Variants in KCNJ5 observed in about 807,000 individuals in gnomAD.
KCNJ5 encodes the protein potassium inwardly rectifying channel subfamily J member 5.
In KCNJ5, 12 loss-of-function variants were observed where a neutral mutation model predicts 20.2. The observed-to-expected ratio is 0.59, with a 90% CI of 0.38 to 0.96. The LOEUF (loss-of-function observed/expected upper bound fraction) is 0.96, where lower values mean the gene tolerates loss of function less well. Among genes scored for constraint, KCNJ5 ranks in the 40% least tolerant of loss-of-function variants. The pLI, the probability that KCNJ5 is intolerant of heterozygous loss-of-function variation, is 0.00. For synonymous variants in KCNJ5, 210 were observed against 213.9 expected (o/e 0.98, Z 0.16); for missense variants, 449 against 557.6 (o/e 0.81, Z 1.96).
intron 1 of KCNJ5, chr11:128,901,775 G>T (rs4937386): frequency 0.29 from 43,970 of 152,300 alleles, 7,046 homozygotes; most frequent in African/African-American, 0.41. Flanking sequence ...AGGGATGGTG[G>T]GTCTGAGCAA....
chr11:128,913,132 A>G (rs571241169), intron 2 of KCNJ5, among the ~76,000 whole-genome samples: 2 of 152,192 alleles, frequency 1.3e-5, no homozygotes, highest in Non-Finnish European at 2.9e-5. Context: ...CCTAAACTCA[A>G]AAGGTTCTCA....
intron 1 of KCNJ5, 127 bp downstream of exon 1, chr11:128,891,848 CA>C (rs1419230269): frequency 6.6e-6 from 1 of 152,292 alleles, no homozygotes; most frequent in African/African-American, 2.4e-5. Flanking sequence ...GACTGGGAGC[CA>C]GGGGGGATAA....
chr11:128,901,370 C>T (rs1318134870), intron 1 of KCNJ5: 11 of 151,992 alleles, frequency 7.2e-5, no homozygotes, highest in Admixed American at 1.3e-4. Flanking sequence ...GGCACCCAGT[C>T]CAGAGTAGTG....
Position 128,911,409 on chromosome 11 carries a change from G to A in KCNJ5, c.136G>A (p.Gly46Ser), listed in dbSNP as rs1430519737. The A allele has an allele frequency of 6.2e-7, 1 of 1,614,226 alleles. No individual in the cohort carries two copies. Among genetic ancestry groups the A allele is most frequent in the South Asian group, 1.1e-5 (1 of 91,086 alleles). ...AGACCGTACGCGCCTGCTGGCCGAGGGCAAGAAGCCACGCCAGCGCTACAT... is the reference window on the plus strand; with the variant it reads ...AGACCGTACGCGCCTGCTGGCCGAGAGCAAGAAGCCACGCCAGCGCTACAT... ...ATDRTRLLAE[G>S]KKPRQRYMEK... Residue 46 changes from glycine to serine, a missense_variant, in exon 2 of 3, where the codon GGC (glycine) becomes AGC (serine). Physicochemically the swap from Gly to Ser is moderately conservative, Grantham distance 56. Coordinates refer to ENST00000529694, the MANE Select transcript of KCNJ5 (RefSeq NM_000890.5). The surrounding 1 kb of genome is among the most constrained non-coding windows in gnomAD (Gnocchi z 6.3).
chr11:128,905,516 T>A (rs1423453993), intron 1 of KCNJ5: 6 of 143,930 alleles, frequency 4.2e-5, no homozygotes, highest in African/African-American at 7.5e-5. Flanking sequence ...CAGGCTCCCC[T>A]CCCCTGTCGC....
At chr11:128,916,182 C>CTGGA (rs1944577704) in intron 2 of KCNJ5, among the ~76,000 whole-genome samples, 1 of 95,882 alleles carries the variant, frequency 1.0e-5, no homozygotes, top group African/African-American at 4.0e-5. Flanking sequence ...TTTTCCATAT[C>CTGGA]TGGATGGATG....
chr11:128,916,973 C>T lies in KCNJ5; in HGVS notation c.*242C>T, dbSNP rs1449034862. On this transcript the variant is annotated 3_prime_UTR_variant, in exon 3 of 3. Coordinates refer to ENST00000529694, the MANE Select transcript of KCNJ5 (RefSeq NM_000890.5). ...GCCTCTTGTAGGTGCTGGCTAAGGGCCAGGCCAGGATGAGTTTCCCCATGG... is the reference window on the plus strand; with the variant it reads ...GCCTCTTGTAGGTGCTGGCTAAGGGTCAGGCCAGGATGAGTTTCCCCATGG... 5 of 494,850 alleles carry T rather than the reference C, an allele frequency of 1.0e-5. No homozygotes were observed. The highest frequency in any genetic ancestry group is 3.6e-5 in the Admixed American group (1 of 27,454). The allele number at this position is 494,850 out of a possible 1,614,324, so 30.7% of individuals were successfully genotyped here.
chr11:128,894,498 G>A (rs1018062328), intron 1 of KCNJ5, among the ~76,000 whole-genome samples: 13 of 152,114 alleles, frequency 8.5e-5, no homozygotes, highest in African/African-American at 2.7e-4. Context: ...TTCCAAGTGC[G>A]GATCTGTCAT....
rs565072715 is a variant in KCNJ5 at position 128,920,955 on chromosome 11, T to C, written c.*4224T>C. The stretch of plus-strand genomic sequence containing the variant: ...CTTTTTCTGATTCCCAGAGAACTAA[T>C]GAGCTGCAAAAAGAGATTAGACAGG... On this transcript the variant is annotated 3_prime_UTR_variant, in exon 3 of 3. Transcript: ENST00000529694. 10 of 152,248 alleles carry C rather than the reference T, an allele frequency of 6.6e-5. No individual in the cohort carries two copies. Among genetic ancestry groups the C allele is most frequent in the African/African-American group, 1.9e-4 (8 of 41,470 alleles). The allele number at this position is 152,248 out of a possible 1,614,324, so 9.4% of individuals were successfully genotyped here. A position where few individuals can be genotyped will look rare whatever the true frequency, so the allele number is the denominator to read the frequency against.
intron 1 of KCNJ5, among the ~76,000 whole-genome samples, chr11:128,894,835 G>T (rs1480144018): frequency 1.3e-5 from 2 of 152,194 alleles, no homozygotes; most frequent in Non-Finnish European, 2.9e-5. Context: ...AGCTATTCTA[G>T]TCAACAGGGC....
chr11:128,913,694 G>A (rs1282788644), intron 2 of KCNJ5, among the ~76,000 whole-genome samples: 1 of 151,894 alleles, frequency 6.6e-6, no homozygotes, highest in South Asian at 2.1e-4. Context: ...TCTTGCAAAT[G>A]ACAGTGTAGG....
At chr11:128,914,887 C>A (rs1055975745) in intron 2 of KCNJ5, among the ~76,000 whole-genome samples, 2 of 152,250 alleles carry the variant, frequency 1.3e-5, no homozygotes, top group African/African-American at 4.8e-5. Context: ...AGACGTCTGG[C>A]ATGGTCTAGG....
In KCNJ5 at chr11:128,917,434, G is replaced by A. The variant is rs771961532; in HGVS notation, c.*703G>A. ...TGGCCTGGGACTAGACAGCCCCTCT[G>A]AGCACATGCATAGTGGCATCAGCAG... is the stretch of plus-strand genomic sequence containing the variant. On this transcript the variant is annotated 3_prime_UTR_variant, in exon 3 of 3. Transcript: ENST00000529694. 2 of 152,434 alleles carry A rather than the reference G, an allele frequency of 1.3e-5. No individual in the cohort carries two copies. Among genetic ancestry groups the A allele is most frequent in the Non-Finnish European group, 2.9e-5 (2 of 68,232 alleles). 9.4% of individuals were successfully genotyped at this position (152,434 alleles called of 1,614,324 possible).
chr11:128,914,972 C>T (rs1049628770), intron 2 of KCNJ5, among the ~76,000 whole-genome samples: 1 of 152,246 alleles, frequency 6.6e-6, no homozygotes, highest in Admixed American at 6.5e-5. Flanking sequence ...GGGAGAGGCC[C>T]GGCCCAGGCA....
intron 1 of KCNJ5, chr11:128,902,349 C>T: frequency 1.5e-6 from 1 of 648,056 alleles, no homozygotes; most frequent in Non-Finnish European, 2.6e-6. Flanking sequence ...AGACATCTCT[C>T]CCCATTGAGA....
At chr11:128,914,942 C>G (rs922558024) in intron 2 of KCNJ5, among the ~76,000 whole-genome samples, 3 of 152,338 alleles carry the variant, frequency 2.0e-5, no homozygotes, top group African/African-American at 7.2e-5. Flanking sequence ...GCTGTGGGGA[C>G]AACAAGGGTA....
At chr11:128,891,934 G>A (rs1565540827) in intron 1 of KCNJ5, among the ~76,000 whole-genome samples, 1 of 152,236 alleles carries the variant, frequency 6.6e-6, no homozygotes, top group East Asian at 1.9e-4. Flanking sequence ...TGCGTTGGGA[G>A]CCCAGCCATA....
chr11:128,906,432 C>A (rs546681645), intron 1 of KCNJ5, among the ~76,000 whole-genome samples: 31 of 152,308 alleles, frequency 2.0e-4, no homozygotes, highest in African/African-American at 5.5e-4. Flanking sequence ...GGTCAGAAGT[C>A]CAGGCTTGAT....
intron 2 of KCNJ5, among the ~76,000 whole-genome samples, chr11:128,915,962 TTGGATGGATGGATGGATGGATGATTGGA>T (rs1425170813): frequency 1.5e-4 from 17 of 110,264 alleles, no homozygotes; most frequent in South Asian, 3.3e-4. Flanking sequence ...TGATGAATGA[TTGGATGGATGGATGGATGGATGATTGGA>T]TGGATGGATG....
Sources: allele counts gnomAD v4.1 joint callset (sites outside exome capture counted in the v4.1 genomes callset), GRCh38; gene constraint gnomAD v4.1.1; non-coding constraint Gnocchi (gnomAD v3.1); transcripts MANE v1.5; gene names NCBI Gene and HGNC (gene_info 2026-07-23, HGNC 2026-07-21).